Variants in CFTR observed in about 807,000 individuals in gnomAD.
CFTR encodes the protein CF transmembrane conductance regulator.
CFTR carries 181 observed loss-of-function variants against 171.6 expected under a neutral mutation model. That is an observed-to-expected ratio of 1.05 (90% confidence interval 0.93 to 1.19). The LOEUF is 1.19. Ranked by LOEUF, CFTR falls within the 50% of genes most tolerant of loss-of-function variation. The pLI is 0.00. For synonymous variants in CFTR, 583 were observed against 608.0 expected, an observed-to-expected ratio of 0.96 and a Z score of 0.60; for missense variants, 1,968 against 1,734.7, an observed-to-expected ratio of 1.13 and a Z score of -2.39.
intron 22 of CFTR, among the ~76,000 whole-genome samples, chr7:117,640,176 C>G (rs1315294375): frequency 6.6e-6 from 1 of 152,096 alleles, no homozygotes; most frequent in Non-Finnish European, 1.5e-5. Flanking sequence ...TAGCCTTATT[C>G]AACAGATCAC....
chr7:117,490,518 G>C (rs1798143937), intron 1 of CFTR, among the ~76,000 whole-genome samples: 1 of 151,934 alleles, frequency 6.6e-6, no homozygotes, highest in Non-Finnish European at 1.5e-5. Context: ...CAGCCTTTTT[G>C]TTCTATACAG....
At chr7:117,511,683 C>T (rs1474194881) in intron 3 of CFTR, among the ~76,000 whole-genome samples, 1 of 152,140 alleles carries the variant, frequency 6.6e-6, no homozygotes, top group African/African-American at 2.4e-5. Flanking sequence ...AGGTTTTTCA[C>T]CCTTGTCATA....
chr7:117,613,926 T>C (rs1481485026), intron 20 of CFTR, among the ~76,000 whole-genome samples: 1 of 151,350 alleles, frequency 6.6e-6, no homozygotes, highest in African/African-American at 2.4e-5. Flanking sequence ...TTTAATTAGC[T>C]GTCCTCTTTA....
At chr7:117,511,298 C>T (rs1468940693) in intron 3 of CFTR, among the ~76,000 whole-genome samples, 1 of 152,110 alleles carries the variant, frequency 6.6e-6, no homozygotes, top group Non-Finnish European at 1.5e-5. Flanking sequence ...AAGAACCAGT[C>T]ATGCTAAGGG....
chr7:117,569,234 G>A (rs1791649774), intron 11 of CFTR, among the ~76,000 whole-genome samples: 1 of 152,100 alleles, frequency 6.6e-6, no homozygotes. Context: ...GAAAAGAGGG[G>A]CTGTGAAGGA....
intron 10 of CFTR, 34 bp from the exon 11 acceptor site, chr7:117,559,430 A>G: frequency 7.3e-7 from 1 of 1,378,516 alleles, no homozygotes; most frequent in Non-Finnish European, 1.0e-6. Flanking sequence ...GCGTGATTTG[A>G]TAATGACCTA....
chr7:117,523,137 G>A (rs1198536717), intron 3 of CFTR, among the ~76,000 whole-genome samples: 1 of 151,962 alleles, frequency 6.6e-6, no homozygotes, highest in Non-Finnish European at 1.5e-5. Flanking sequence ...GGATGACTAT[G>A]TCCTCTTCGG....
At chr7:117,656,213 C>T (rs1793181507) in intron 24 of CFTR, among the ~76,000 whole-genome samples, 4 of 152,142 alleles carry the variant, frequency 2.6e-5, no homozygotes. Context: ...CATCTACTCC[C>T]TATCTGAGTT....
chr7:117,502,410 G>C (rs1423153016), intron 1 of CFTR, among the ~76,000 whole-genome samples: 1 of 152,150 alleles, frequency 6.6e-6, no homozygotes, highest in East Asian at 1.9e-4. Context: ...GTTTATGAAG[G>C]CACTTTGGAA....
rs397508571 is a variant in CFTR, at chr7:117,530,971, G to C, written c.346G>C (p.Glu116Gln). 6 of 1,613,780 alleles carry C rather than the reference G, an allele frequency of 3.7e-6. No individual in the cohort carries two copies. The highest frequency in any genetic ancestry group is 4.2e-6 in the Non-Finnish European group (5 of 1,179,846). ...IASYDPDNKE[E>Q]RSIAIYLGIG... ...TTCCTATGACCCGGATAACAAGGAG[G>C]AACGCTCTATCGCGATTTATCTAGG... The change falls in exon 4 of 27, where the codon GAA (glutamate) becomes CAA (glutamine). Residue 116 changes from glutamate to glutamine, a missense_variant. Physicochemically the swap from Glu to Gln is conservative, Grantham distance 29. Coordinates refer to ENST00000003084, the MANE Select transcript of CFTR (RefSeq NM_000492.4).
chr7:117,574,174 C>T (rs1791737613), intron 11 of CFTR, among the ~76,000 whole-genome samples: 1 of 151,948 alleles, frequency 6.6e-6, no homozygotes, highest in Non-Finnish European at 1.5e-5. Flanking sequence ...AAATGTTTAA[C>T]AGTGCATACA....
intron 7 of CFTR, among the ~76,000 whole-genome samples, chr7:117,539,256 A>T (rs1277060258): frequency 6.6e-6 from 1 of 152,192 alleles, no homozygotes; most frequent in East Asian, 1.9e-4. Flanking sequence ...AGCCTCACAT[A>T]TGTATTAAAA....
chr7:117,604,643 G>A (rs1216616617), intron 17 of CFTR: 24 of 152,214 alleles, frequency 1.6e-4, no homozygotes, highest in Non-Finnish European at 7.4e-5. Context: ...TATTTTCTGG[G>A]TAACAAAATT....
At chr7:117,554,203 T>C (rs1799315178) in intron 10 of CFTR, among the ~76,000 whole-genome samples, 1 of 152,138 alleles carries the variant, frequency 6.6e-6, no homozygotes, top group Admixed American at 6.6e-5. Flanking sequence ...GTTAGGAGTC[T>C]ATTGTGCCAG....
Position 117,593,142 on chromosome 7 carries a change from G to A in CFTR, c.2490+485G>A, listed in dbSNP as rs977652671. On this transcript the variant is annotated intron_variant, in intron 14 of 26. Transcript: ENST00000003084. ...TATCAGTCTTGCCTGAATTTAGCTA[G>A]TGTGGGCTTTTTTTTATCTTGTGAG... 2.6e-5 allele frequency among the ~76,000 whole-genome samples: 4 copies of A among 152,312 alleles called. No individual in the cohort carries two copies. In the East Asian group the frequency reaches 7.7e-4, roughly 29 times the overall value.
At chr7:117,651,207 T>C (rs917853296) in intron 23 of CFTR, among the ~76,000 whole-genome samples, 3 of 152,220 alleles carry the variant, frequency 2.0e-5, no homozygotes, top group African/African-American at 7.2e-5. Context: ...ATATATTGTT[T>C]GATACTTGGT....
chr7:117,593,586 T>C (rs1206271487), intron 14 of CFTR, among the ~76,000 whole-genome samples: 3 of 152,130 alleles, frequency 2.0e-5, no homozygotes, highest in African/African-American at 7.2e-5. Flanking sequence ...TATAGTGTTT[T>C]TTTGTGTGTT....
chr7:117,551,178 T>C (rs1263368662), intron 10 of CFTR, among the ~76,000 whole-genome samples: 2 of 152,156 alleles, frequency 1.3e-5, no homozygotes, highest in African/African-American at 4.8e-5. Flanking sequence ...CCCATAAATG[T>C]TGAATAATAG....
intron 10 of CFTR, among the ~76,000 whole-genome samples, chr7:117,552,238 T>C (rs931972743): frequency 6.6e-6 from 1 of 152,076 alleles, no homozygotes; most frequent in African/African-American, 2.4e-5. Context: ...AATTGACCTT[T>C]CCGCTTCAGC....
Sources: gnomAD v4.1 joint callset for allele counts (sites outside exome capture counted in the v4.1 genomes callset) on GRCh38, gnomAD v4.1.1 for gene constraint, MANE v1.5 for transcripts, NCBI Gene and HGNC (gene_info 2026-07-23, HGNC 2026-07-21) for gene names.